GRID2: variants seen among roughly 807,000 people sequenced by gnomAD.
GRID2 encodes glutamate ionotropic receptor delta type subunit 2.
A neutral mutation model predicts 114.8 loss-of-function variants in GRID2; 33 were observed. That is an observed-to-expected ratio of 0.29 (90% CI 0.22 to 0.38). The LOEUF is 0.38. Among genes scored for constraint, GRID2 ranks in the 10% least tolerant of loss-of-function variants. The pLI, the probability that GRID2 is intolerant of heterozygous loss-of-function variation, is 1.00. For synonymous variants in GRID2, 505 were observed against 449.9 expected (o/e 1.12, Z -1.55); for missense variants, 1,184 against 1,257.7 (o/e 0.94, Z 0.89).
chr4:92,771,722 C>T (rs952184534), intron 2 of GRID2, among the ~76,000 whole-genome samples: 6 of 152,144 alleles, frequency 3.9e-5, no homozygotes, highest in African/African-American at 1.2e-4. Flanking sequence ...TATTAAATCA[C>T]TGGGTAGGGT....
At chr4:92,829,383 C>G in intron 2 of GRID2, among the ~76,000 whole-genome samples, 1 of 152,026 alleles carries the variant, frequency 6.6e-6, no homozygotes, top group East Asian at 1.9e-4. Context: ...AAAACCACAA[C>G]AGGATACCAT....
chr4:92,557,453 A>G (rs1726904335), intron 1 of GRID2, among the ~76,000 whole-genome samples: 1 of 151,512 alleles, frequency 6.6e-6, no homozygotes, highest in African/African-American at 2.4e-5. Flanking sequence ...CTACAAATAC[A>G]ACATAAATTT....
chr4:92,413,577 A>G (rs1441856005), intron 1 of GRID2, among the ~76,000 whole-genome samples: 1 of 152,180 alleles, frequency 6.6e-6, no homozygotes, highest in Non-Finnish European at 1.5e-5. Flanking sequence ...AGCAATACCT[A>G]CATCTTAAGA....
intron 1 of GRID2, among the ~76,000 whole-genome samples, chr4:92,491,606 T>G (rs1478628652): frequency 6.6e-6 from 1 of 152,172 alleles, no homozygotes; most frequent in African/African-American, 2.4e-5. Flanking sequence ...TGATTTTTTT[T>G]CATTGTCATG....
At chr4:93,659,625 T>C (rs182820044) in intron 14 of GRID2, among the ~76,000 whole-genome samples, 1 of 152,314 alleles carries the variant, frequency 6.6e-6, no homozygotes, top group East Asian at 1.9e-4. Flanking sequence ...GCCATAAATT[T>C]CCCTGCAGTG....
chr4:92,852,452 C>T (rs950460836), intron 2 of GRID2, among the ~76,000 whole-genome samples: 6 of 151,880 alleles, frequency 4.0e-5, no homozygotes, highest in Admixed American at 3.3e-4. Flanking sequence ...AACAACTCCA[C>T]GCTGAAGGGA....
intron 1 of GRID2, among the ~76,000 whole-genome samples, chr4:92,507,544 G>A (rs947814581): frequency 1.3e-5 from 2 of 151,514 alleles, no homozygotes; most frequent in African/African-American, 4.8e-5. Context: ...GTTAATTTCT[G>A]AGTCCAGTTT....
At chr4:92,807,950 T>C (rs1442480135) in intron 2 of GRID2, among the ~76,000 whole-genome samples, 2 of 152,016 alleles carry the variant, frequency 1.3e-5, no homozygotes, top group Non-Finnish European at 2.9e-5. Context: ...TGTGAACATA[T>C]TACCTACTTG....
At chr4:92,931,090 C>G (rs981111406) in intron 2 of GRID2, among the ~76,000 whole-genome samples, 4 of 143,056 alleles carry the variant, frequency 2.8e-5, no homozygotes, top group Non-Finnish European at 6.2e-5. Flanking sequence ...TTTACCACTA[C>G]AAACATAGTT....
Position 93,245,458 on chromosome 4 carries a change from T to C in GRID2, c.1245+6968T>C, listed in dbSNP as rs182600890. On this transcript the variant is annotated intron_variant, in intron 8 of 15. Transcript: ENST00000282020. ...ATAATTTTAATGGTTAAGCAAGATA[T>C]ATGTATAATTTGTTTGCAAGAATTT... 3.1e-3 allele frequency among the ~76,000 whole-genome samples: 466 copies of C among 152,306 alleles called. 5 individuals are homozygous for C. The highest frequency in any genetic ancestry group is 5.3e-3 in the Non-Finnish European group (359 of 68,006).
chr4:93,390,855 A>ATG (rs958934611), intron 8 of GRID2, among the ~76,000 whole-genome samples: 3 of 151,942 alleles, frequency 2.0e-5, no homozygotes, highest in African/African-American at 7.3e-5. Flanking sequence ...TTGTATATAT[A>ATG]TGTGTGTGTA....
chr4:93,070,112 C>T (rs1382720615), intron 2 of GRID2, among the ~76,000 whole-genome samples: 1 of 151,652 alleles, frequency 6.6e-6, no homozygotes, highest in Non-Finnish European at 1.5e-5. Context: ...TATTTAAATA[C>T]AGTCCTTTTA....
At chr4:93,494,644 T>A (rs551848841) in intron 12 of GRID2, among the ~76,000 whole-genome samples, 118 of 151,726 alleles carry the variant, frequency 7.8e-4, no homozygotes, top group Non-Finnish European at 1.5e-3. Context: ...CATAACTATG[T>A]CCTATGTTTA....
At chr4:93,195,676 G>T (rs1364645774) in intron 4 of GRID2, among the ~76,000 whole-genome samples, 2 of 152,070 alleles carry the variant, frequency 1.3e-5, no homozygotes, top group East Asian at 3.9e-4. Context: ...AAGAATGAGG[G>T]TCAGCTTTAA....
rs985342958 is a variant in GRID2, at chr4:93,683,058, A to T, written c.2360+56623A>T. 2.0e-5 allele frequency among the ~76,000 whole-genome samples: 3 copies of T among 152,056 alleles called. No homozygotes were observed. In the South Asian group the frequency reaches 6.2e-4, roughly 32 times the overall value. ...TTTCCCATTAATAGGGAAAATTTAA[A>T]TTGCTAACATTTTTAAGGTCATACA... is the stretch of plus-strand genomic sequence containing the variant. On this transcript the variant is annotated intron_variant, in intron 14 of 15. Coordinates refer to ENST00000282020, the MANE Select transcript of GRID2 (RefSeq NM_001510.4).
At chr4:93,513,190 A>C (rs758749462) in intron 12 of GRID2, among the ~76,000 whole-genome samples, 2 of 152,176 alleles carry the variant, frequency 1.3e-5, no homozygotes, top group Non-Finnish European at 2.9e-5. Context: ...GCTGTGTACA[A>C]CCATCTGGTC....
At chr4:93,262,330 A>G (rs111638843) in intron 8 of GRID2, among the ~76,000 whole-genome samples, 2,132 of 152,024 alleles carry the variant, frequency 0.014, 46 homozygotes, top group African/African-American at 0.047. Context: ...TGTAAACCAA[A>G]TGCAAATAAG....
intron 2 of GRID2, among the ~76,000 whole-genome samples, chr4:92,783,195 CTATGAAG>C (rs1301652431): frequency 6.6e-6 from 1 of 151,978 alleles, no homozygotes; most frequent in African/African-American, 2.4e-5. Context: ...GAAGCAAGGG[CTATGAAG>C]ACACAATTTG....
chr4:93,108,837 G>T (rs1201214212), intron 3 of GRID2, among the ~76,000 whole-genome samples: 2 of 151,952 alleles, frequency 1.3e-5, no homozygotes, highest in South Asian at 4.1e-4. Context: ...CACCATATTG[G>T]CCAGGCTGGT....
Sources: gnomAD v4.1 joint callset for allele counts (sites outside exome capture counted in the v4.1 genomes callset) on GRCh38, gnomAD v4.1.1 for gene constraint, MANE v1.5 for transcripts, NCBI Gene and HGNC (gene_info 2026-07-23, HGNC 2026-07-21) for gene names.